The following PPP1R42 variants were observed in gnomAD, a reference collection of about 807,000 sequenced individuals.
PPP1R42 encodes leucine rich repeat containing 67.
A neutral mutation model predicts 31.0 loss-of-function variants in PPP1R42; 34 were observed. The observed-to-expected ratio is 1.10, with a 90% CI of 0.83 to 1.46. PPP1R42 has a LOEUF of 1.46. Among genes scored for constraint, PPP1R42 ranks in the 40% most tolerant of loss-of-function variants. The probability of loss-of-function intolerance (pLI) is 0.00; values close to 1 mark genes in which losing one functional copy is unlikely to be tolerated. For missense variants in PPP1R42, 268 were observed against 303.0 expected, an observed-to-expected ratio of 0.88 and a Z score of 0.86; for synonymous variants, 103 against 109.8, an observed-to-expected ratio of 0.94 and a Z score of 0.39.
intron 1 of PPP1R42, among the ~76,000 whole-genome samples, chr8:67,026,101 C>T (rs1053945247): frequency 4.0e-5 from 6 of 151,494 alleles, no homozygotes; most frequent in Admixed American, 3.3e-4. Flanking sequence ...TTTGGGAGGC[C>T]GAGGTGGGTG....
At chr8:67,005,178 T>C (rs1815636624) in intron 5 of PPP1R42, among the ~76,000 whole-genome samples, 1 of 151,614 alleles carries the variant, frequency 6.6e-6, no homozygotes, top group African/African-American at 2.4e-5. Context: ...GTTCAACTTC[T>C]TCACAAATTA....
intron 5 of PPP1R42, among the ~76,000 whole-genome samples, chr8:67,000,255 G>T (rs1383730558): frequency 6.6e-6 from 1 of 151,418 alleles, no homozygotes; most frequent in Non-Finnish European, 1.5e-5. Context: ...ATTATTGTTT[G>T]TATTTTTCCC....
Position 66,988,463 on chromosome 8 carries a change from CA to C in PPP1R42, c.606del (p.Asn202LysfsTer15), listed in dbSNP as rs779931186. On this transcript the variant is annotated frameshift_variant, in exon 6 of 8. Coordinates refer to ENST00000685739, the MANE Select transcript of PPP1R42 (RefSeq NM_001364910.1). LOFTEE classifies it high-confidence loss of function. Reference protein sequence around the residue: ...KLMKLWKIDLNGNPVCLKPKY... With the variant: ...KLMKLWKIDLXGNPVCLKPKY... Reference sequence around the variant, plus strand: ...TTTGGTTTGAGACAAACAGGATTTCCATTTAGATCAATTTTCCACAGCTTCA... The same window carrying C: ...TTTGGTTTGAGACAAACAGGATTTCCTTTAGATCAATTTTCCACAGCTTCA... The C allele has an allele frequency of 6.2e-7, 1 of 1,610,810 alleles. No individual in the cohort carries two copies. Among genetic ancestry groups the C allele is most frequent in the South Asian group, 1.1e-5 (1 of 90,576 alleles).
At chr8:67,002,565 C>T (rs1038841693) in intron 5 of PPP1R42, among the ~76,000 whole-genome samples, 2 of 152,092 alleles carry the variant, frequency 1.3e-5, no homozygotes, top group African/African-American at 4.8e-5. Flanking sequence ...GTGTAATTGT[C>T]TTTGGGATTT....
intron 6 of PPP1R42, among the ~76,000 whole-genome samples, chr8:66,983,931 AC>A (rs1814923882): frequency 6.6e-6 from 1 of 152,168 alleles, no homozygotes; most frequent in African/African-American, 2.4e-5. Context: ...ATTTAAACAA[AC>A]TCTTTAATCA....
intron 1 of PPP1R42, among the ~76,000 whole-genome samples, chr8:67,025,470 T>C (rs1293939622): frequency 6.6e-6 from 1 of 152,058 alleles, no homozygotes; most frequent in Non-Finnish European, 1.5e-5. Context: ...ACAGAAAATT[T>C]GGATCACCTG....
intron 3 of PPP1R42, 50 bp downstream of exon 3, chr8:67,014,376 T>C (rs377487699): frequency 2.6e-6 from 3 of 1,147,918 alleles, no homozygotes; most frequent in Non-Finnish European, 3.6e-6. Flanking sequence ...AAAATGTAAG[T>C]ACCATAATCA....
Position 66,982,117 on chromosome 8 carries a change from G to T in PPP1R42, c.734C>A (p.Ser245Tyr). The change falls in exon 7 of 8, where the codon TCC becomes TAC. Residue 245 changes from serine to tyrosine, a missense_variant. Coordinates refer to ENST00000685739, the MANE Select transcript of PPP1R42 (RefSeq NM_001364910.1). ...TTTGCTGATTTTCTTGGCATCTTTG[G>T]ATGCTTTCCAATTCATTAGGAATTG... is the stretch of plus-strand genomic sequence containing the variant. ...ERQFLMNWKA[S>Y]KDAKKISKKR... The T allele has an allele frequency of 6.7e-7, 1 of 1,487,222 alleles. No individual in the cohort carries two copies. The highest frequency in any genetic ancestry group is 8.8e-7 in the Non-Finnish European group (1 of 1,130,692). The allele number at this position is 1,487,222 out of a possible 1,614,324, so 92.1% of individuals were successfully genotyped here. A position where few individuals can be genotyped will look rare whatever the true frequency, so the allele number is the denominator to read the frequency against.
At chr8:66,990,089 G>A (rs1433126258) in intron 5 of PPP1R42, among the ~76,000 whole-genome samples, 1 of 152,122 alleles carries the variant, frequency 6.6e-6, no homozygotes, top group East Asian at 1.9e-4. Flanking sequence ...TCAGCCTTCA[G>A]TTCTGGGCTC....
intron 1 of PPP1R42, among the ~76,000 whole-genome samples, chr8:67,025,260 T>A (rs1253664981): frequency 6.6e-6 from 1 of 152,024 alleles, no homozygotes; most frequent in African/African-American, 2.4e-5. Flanking sequence ...TTTTTTCATC[T>A]AAGCTTAATA....
chr8:67,009,967 C>T (rs60167783), intron 5 of PPP1R42, among the ~76,000 whole-genome samples: 7,328 of 152,296 alleles, frequency 0.048, 267 homozygotes, highest in African/African-American at 0.096. Context: ...TACCACAGCT[C>T]ATTCCGTTGC....
At chr8:66,969,185 A>G (rs1026186941) in intron 7 of PPP1R42, among the ~76,000 whole-genome samples, 5 of 152,220 alleles carry the variant, frequency 3.3e-5, no homozygotes, top group African/African-American at 4.8e-5. Context: ...ACAGCTCACT[A>G]TTGATCTAAC....
intron 6 of PPP1R42, chr8:66,984,149 A>T: frequency 6.3e-7 from 1 of 1,592,134 alleles, no homozygotes; most frequent in Non-Finnish European, 8.6e-7. Context: ...AGTGGACTCT[A>T]CACAGATTCA....
At chr8:66,994,081 T>G (rs1815267059) in intron 5 of PPP1R42, among the ~76,000 whole-genome samples, 3 of 152,164 alleles carry the variant, frequency 2.0e-5, no homozygotes, top group African/African-American at 7.2e-5. Flanking sequence ...GGACCAGTTT[T>G]GGATTAAGGA....
intron 6 of PPP1R42, chr8:66,985,338 T>G: frequency 3.8e-6 from 3 of 792,848 alleles, no homozygotes; most frequent in South Asian, 1.4e-5. Context: ...TTCTTTTAGC[T>G]GTTGCTTGAA....
intron 7 of PPP1R42, among the ~76,000 whole-genome samples, chr8:66,970,672 T>C (rs537516509): frequency 2.6e-5 from 4 of 152,284 alleles, no homozygotes; most frequent in Admixed American, 2.6e-4. Flanking sequence ...TTTGACAGAA[T>C]CCCTGATCAT....
intron 5 of PPP1R42, among the ~76,000 whole-genome samples, chr8:67,001,354 G>T (rs1393832749): frequency 6.9e-6 from 1 of 145,784 alleles, no homozygotes; most frequent in Non-Finnish European, 1.5e-5. Context: ...GTTAAGATTG[G>T]ATTTAAAAAA....
At chr8:66,985,643 T>C (rs1020542261) in intron 6 of PPP1R42, 5 of 1,338,174 alleles carry the variant, frequency 3.7e-6, no homozygotes, top group Admixed American at 1.7e-5. Context: ...GCATCATTCA[T>C]GAAAGTGGCA....
chr8:66,979,272 ATATCCAGTTT>A (rs1441715650), intron 7 of PPP1R42, among the ~76,000 whole-genome samples: 2 of 152,104 alleles, frequency 1.3e-5, no homozygotes, highest in East Asian at 3.8e-4. Context: ...CTGCATATGG[ATATCCAGTTT>A]TCCCATCACC....
Sources: allele counts gnomAD v4.1 joint callset (sites outside exome capture counted in the v4.1 genomes callset), GRCh38; gene constraint gnomAD v4.1.1; transcripts MANE v1.5; gene names NCBI Gene and HGNC (gene_info 2026-07-23, HGNC 2026-07-21).